The following LARP1 variants were observed in gnomAD, a reference collection of about 807,000 sequenced individuals.
LARP1 encodes La ribonucleoprotein 1, translational regulator, also known as la-related protein 1.
In LARP1, 36 loss-of-function variants were observed where a neutral mutation model predicts 122.7. The observed-to-expected ratio is 0.29, with a 90% CI of 0.22 to 0.39. LARP1 has a LOEUF of 0.39. LARP1 is among the 10% of genes least tolerant of loss of function. The probability of loss-of-function intolerance (pLI) is 1.00; values close to 1 mark genes in which losing one functional copy is unlikely to be tolerated. For missense variants in LARP1, 1,040 were observed against 1,403.6 expected (o/e 0.74, Z 4.14); for synonymous variants, 539 against 528.7 (o/e 1.02, Z -0.27).
upstream of LARP1, among the ~76,000 whole-genome samples, chr5:154,712,398 C>T (rs1755261463): frequency 6.6e-6 from 1 of 152,134 alleles, no homozygotes; most frequent in Non-Finnish European, 1.5e-5. Context: ...TTTGGATCCT[C>T]ACACCATCCC....
intron 3 of LARP1, chr5:154,792,126 G>A (rs555919650): frequency 1.7e-5 from 6 of 352,390 alleles, no homozygotes; most frequent in South Asian, 1.1e-4. Context: ...ACATGTCTTG[G>A]GGAAGCTTAT....
At chr5:154,711,515 G>C (rs1015396955), upstream of LARP1, among the ~76,000 whole-genome samples, 2 of 152,150 alleles carry the variant, frequency 1.3e-5, no homozygotes, top group Admixed American at 6.5e-5. Context: ...AGAAGCATGA[G>C]ATTATAGCAG....
intron 1 of LARP1, among the ~76,000 whole-genome samples, chr5:154,768,543 C>T (rs908764265): frequency 9.9e-5 from 15 of 152,102 alleles, no homozygotes; most frequent in Non-Finnish European, 1.3e-4. Context: ...TAAGCAACCA[C>T]TGAATTATGT....
At chr5:154,726,732 A>G (rs1756237168) in intron 1 of LARP1, among the ~76,000 whole-genome samples, 1 of 152,232 alleles carries the variant, frequency 6.6e-6, no homozygotes, top group South Asian at 2.1e-4. Flanking sequence ...GCTGCTATGA[A>G]GAAAGACCTG....
intron 1 of LARP1, among the ~76,000 whole-genome samples, chr5:154,740,667 C>T (rs1752832308): frequency 6.6e-6 from 1 of 152,202 alleles, no homozygotes; most frequent in Non-Finnish European, 1.5e-5. Flanking sequence ...CCCTATGCTA[C>T]ACTGCCTTGT....
At chr5:154,775,213 T>A (rs1160680605) in intron 1 of LARP1, among the ~76,000 whole-genome samples, 1 of 152,050 alleles carries the variant, frequency 6.6e-6, no homozygotes, top group African/African-American at 2.4e-5. Flanking sequence ...TCCAGGAAGA[T>A]CGTGTGAGTT....
At chr5:154,742,929 G>T (rs1163861092) in intron 1 of LARP1, among the ~76,000 whole-genome samples, 2 of 152,070 alleles carry the variant, frequency 1.3e-5, no homozygotes, top group Non-Finnish European at 2.9e-5. Context: ...GCCTGCTACT[G>T]CCCCAGCAGA....
intron 1 of LARP1, among the ~76,000 whole-genome samples, chr5:154,771,890 G>C (rs1755459925): frequency 1.3e-5 from 2 of 152,204 alleles, no homozygotes; most frequent in African/African-American, 4.8e-5. Context: ...GCTTTGGAAG[G>C]CTGTCTGGCT....
intron 1 of LARP1, among the ~76,000 whole-genome samples, chr5:154,757,905 C>T (rs1678422998): frequency 7.7e-6 from 1 of 129,566 alleles, no homozygotes; most frequent in Non-Finnish European, 1.6e-5. Context: ...TTCCCCCCTC[C>T]TCCCCTTCCC....
chr5:154,753,961 C>G (rs888471772), upstream of LARP1, among the ~76,000 whole-genome samples: 17 of 152,182 alleles, frequency 1.1e-4, no homozygotes, highest in African/African-American at 3.9e-4. Context: ...TATGTGAGCA[C>G]GTGGGATCAC....
chr5:154,709,598 ATTTTTT>A (rs60062105), upstream of LARP1, among the ~76,000 whole-genome samples: 1 of 81,348 alleles, frequency 1.2e-5, no homozygotes, highest in African/African-American at 5.1e-5. Flanking sequence ...CTCCAGTGAG[ATTTTTT>A]TTTTTTTTTT....
At position 154,758,533 on chromosome 5, in the gene LARP1, A is replaced by G. The variant is rs1313581450; in HGVS notation, c.436+2340A>G. Reference sequence around the variant, plus strand: ...TGGGTTGTCAGTCTGGTAAGGCTAGATGATGACCCTTTCTCTGGAGCCTAC... The same window carrying G: ...TGGGTTGTCAGTCTGGTAAGGCTAGGTGATGACCCTTTCTCTGGAGCCTAC... On this transcript the variant is annotated intron_variant, in intron 1 of 18. Transcript: ENST00000518297. Among the ~76,000 whole-genome samples, 3 of 152,316 alleles carry G rather than the reference A, an allele frequency of 2.0e-5. No individual in the cohort carries two copies. The East Asian group carries it at 5.8e-4, about 29-fold the overall frequency.
intron 14 of LARP1, chr5:154,804,844 C>G (rs1034881542): frequency 4.4e-6 from 2 of 456,158 alleles, no homozygotes; most frequent in Non-Finnish European, 4.4e-6. Flanking sequence ...ATGACCAATG[C>G]TCTCTACTCC....
At chr5:154,742,229 A>G (rs893039686) in intron 1 of LARP1, among the ~76,000 whole-genome samples, 1 of 152,132 alleles carries the variant, frequency 6.6e-6, no homozygotes, top group African/African-American at 2.4e-5. Flanking sequence ...GGCACAAGAC[A>G]AGGCTGGGCA....
At chr5:154,795,613 A>G (rs1489478762) in intron 8 of LARP1, among the ~76,000 whole-genome samples, 1 of 151,864 alleles carries the variant, frequency 6.6e-6, no homozygotes, top group Non-Finnish European at 1.5e-5. Flanking sequence ...TCATCTGTTT[A>G]TTCTCACATA....
intron 1 of LARP1, among the ~76,000 whole-genome samples, chr5:154,706,033 C>T (rs62380526): frequency 0.13 from 19,490 of 151,960 alleles, 1,897 homozygotes; most frequent in African/African-American, 0.25. Flanking sequence ...CGGTGGCTCA[C>T]GCCTGTAATC....
intron 1 of LARP1, among the ~76,000 whole-genome samples, chr5:154,689,874 C>T (rs1043136295): frequency 6.6e-5 from 10 of 151,788 alleles, no homozygotes; most frequent in Non-Finnish European, 1.5e-4. Flanking sequence ...GTCGGGAGTT[C>T]GAGACCAGCC....
At chr5:154,691,527 G>C (rs1754207442) in intron 1 of LARP1, among the ~76,000 whole-genome samples, 1 of 152,202 alleles carries the variant, frequency 6.6e-6, no homozygotes, top group Admixed American at 6.5e-5. Context: ...GGCCCACTCT[G>C]CTCCTGCCCG....
chr5:154,790,495 T>C (rs1012124649), intron 2 of LARP1, 109 bp downstream of exon 2: 1 of 1,299,756 alleles, frequency 7.7e-7, no homozygotes, highest in Non-Finnish European at 1.1e-6. Flanking sequence ...TGTCTGTGAA[T>C]TGCAGGGGAG....
Sources: allele counts gnomAD v4.1 joint callset (sites outside exome capture counted in the v4.1 genomes callset), GRCh38; gene constraint gnomAD v4.1.1; transcripts MANE v1.5; gene names NCBI Gene and HGNC (gene_info 2026-07-23, HGNC 2026-07-21).